The following TET3 variants were observed in gnomAD, a reference collection of about 807,000 sequenced individuals.
The protein encoded by TET3 is methylcytosine dioxygenase TET3.
Under a neutral mutation model 141.4 loss-of-function variants are expected in TET3, and 19 were observed. The ratio of observed to expected loss-of-function variants is 0.13; its 90% confidence interval spans 0.09 to 0.20. The LOEUF is 0.20. Among genes scored for constraint, TET3 ranks in the 10% least tolerant of loss-of-function variants. The pLI is 1.00. For synonymous variants in TET3, 1,043 were observed against 980.9 expected (o/e 1.06, Z -1.18); for missense variants, 1,874 against 2,356.9 (o/e 0.80, Z 4.24).
chr2:74,111,614 G>A (rs901497371), downstream of TET3, among the ~76,000 whole-genome samples: 19 of 152,190 alleles, frequency 1.2e-4, no homozygotes, highest in Admixed American at 1.1e-3. Context: ...CCCTGATATG[G>A]ACAGAGGCAT....
chr2:74,098,189 T>C (rs1049211877), intron 10 of TET3, among the ~76,000 whole-genome samples: 3 of 152,222 alleles, frequency 2.0e-5, no homozygotes, highest in African/African-American at 7.2e-5. Context: ...TTAACATTCA[T>C]TCTAAGGAAT....
chr2:74,025,426 C>T (rs1013093564), intron 3 of TET3, among the ~76,000 whole-genome samples: 7 of 151,170 alleles, frequency 4.6e-5, no homozygotes, highest in African/African-American at 1.7e-4. Context: ...TAGCTGGGAC[C>T]ACAGGCACCC....
At chr2:74,091,874 C>T (rs1235990027) in intron 8 of TET3, among the ~76,000 whole-genome samples, 3 of 151,474 alleles carry the variant, frequency 2.0e-5, no homozygotes, top group African/African-American at 7.3e-5. Context: ...TGCTGCTTCA[C>T]ATAGAGCAGT....
At chr2:74,034,587 A>G (rs1036895639) in intron 3 of TET3, among the ~76,000 whole-genome samples, 1 of 152,106 alleles carries the variant, frequency 6.6e-6, no homozygotes, top group Non-Finnish European at 1.5e-5. Flanking sequence ...AAAAAAAAAA[A>G]AAAAAAACCC....
intron 4 of TET3, among the ~76,000 whole-genome samples, chr2:74,072,664 A>G (rs539807063): frequency 7.9e-4 from 120 of 152,328 alleles, no homozygotes; most frequent in African/African-American, 2.4e-3. Context: ...TTACATTCAC[A>G]ATATTGTGCA....
At chr2:74,114,302 G>T in the TET3 span, among the ~76,000 whole-genome samples, 5 of 38,214 alleles carry the variant, frequency 1.3e-4, no homozygotes, top group South Asian at 0.011. Flanking sequence ...TTGGGGACTC[G>T]GGGGGGAGGG....
Position 74,046,630 on chromosome 2 carries a change from G to T in TET3, c.713G>T (p.Gly238Val), listed in dbSNP as rs1278321852. The T allele has an allele frequency of 1.9e-6, 3 of 1,614,070 alleles. No homozygotes were observed. Among genetic ancestry groups the T allele is most frequent in the Non-Finnish European group, 2.5e-6 (3 of 1,179,904 alleles). Residue 238 changes from glycine to valine, a missense_variant, in exon 4 of 12, where the codon GGA becomes GTA. Coordinates refer to ENST00000409262, the MANE Select transcript of TET3 (RefSeq NM_001287491.2). The surrounding 1 kb of genome is among the most constrained non-coding windows in gnomAD (Gnocchi z 4.3). ...MSREAGNNSR[G>V]PRPGPEGCSA... ...CGTGAGGCTGGGAACAACAGCAGGG[G>T]ACCCCGGCCAGGGCCTGAGGGCTGC...
the TET3 span, among the ~76,000 whole-genome samples, chr2:74,130,094 CA>C: frequency 0.33 from 41,940 of 126,410 alleles, 6,380 homozygotes; most frequent in Middle Eastern, 0.46. Flanking sequence ...GAGTCTGTCT[CA>C]AAAAAAAAAA....
At chr2:74,135,081 G>C in the TET3 span, 4 of 211,930 alleles carry the variant, frequency 1.9e-5, no homozygotes, top group African/African-American at 9.3e-5. Flanking sequence ...TCAAACACAG[G>C]AAAAGAACCC....
At chr2:74,026,580 C>G (rs1686374947) in intron 3 of TET3, among the ~76,000 whole-genome samples, 1 of 152,136 alleles carries the variant, frequency 6.6e-6, no homozygotes, top group Admixed American at 6.5e-5. Flanking sequence ...GCAGAACTCC[C>G]TTGTATAATA....
At chr2:74,015,824 A>C (rs2105216176) in intron 3 of TET3, among the ~76,000 whole-genome samples, 1 of 152,226 alleles carries the variant, frequency 6.6e-6, no homozygotes, top group South Asian at 2.1e-4. Flanking sequence ...CTTCCCACCA[A>C]CACTGAGTGA....
At position 74,080,571 on chromosome 2, in the gene TET3, G is replaced by A. The variant is rs1408353625; in HGVS notation, c.2659G>A (p.Gly887Ser). 1 of 1,612,622 alleles carries A rather than the reference G, an allele frequency of 6.2e-7. No homozygotes were observed. Among genetic ancestry groups the A allele is most frequent in the Non-Finnish European group, 8.5e-7 (1 of 1,179,448 alleles). The part of the protein sequence containing the change: ...YTGKEGKSSR[G>S]CPIAKWVIRR... ...GGGGAAGGAGGGAAAGAGCTCCCGCGGTTGCCCCATTGCAAAGTGGGTGAG... is the reference window on the plus strand; with the variant it reads ...GGGGAAGGAGGGAAAGAGCTCCCGCAGTTGCCCCATTGCAAAGTGGGTGAG... Residue 887 changes from glycine (G) to serine (S), a missense_variant, in exon 6 of 12, where the codon GGT becomes AGT. Coordinates refer to ENST00000409262, the MANE Select transcript of TET3 (RefSeq NM_001287491.2).
chr2:74,022,542 A>G (rs1686110591), intron 3 of TET3, among the ~76,000 whole-genome samples: 1 of 151,186 alleles, frequency 6.6e-6, no homozygotes, highest in Non-Finnish European at 1.5e-5. Flanking sequence ...TGTGTGATCA[A>G]ATCTAGCTCC....
At position 74,102,746 on chromosome 2, in the gene TET3, A is replaced by C. The variant is rs1220755545; in HGVS notation, c.*570A>C. 2 of 152,008 alleles carry C rather than the reference A, an allele frequency of 1.3e-5. No individual in the cohort carries two copies. Among genetic ancestry groups the C allele is most frequent in the Non-Finnish European group, 2.9e-5 (2 of 68,014 alleles). 9.4% of individuals were successfully genotyped at this position (152,008 alleles called of 1,614,324 possible). On this transcript the variant is annotated 3_prime_UTR_variant, in exon 12 of 12. Transcript: ENST00000409262. ...TCTGCCCCTCGAGAGCCAAGCGCGG[A>C]CGGTAGCCACCCAGTTCATCCCTCC... is the stretch of plus-strand genomic sequence containing the variant.
intron 3 of TET3, among the ~76,000 whole-genome samples, chr2:74,038,122 G>C (rs1006048200): frequency 6.6e-6 from 1 of 152,208 alleles, no homozygotes; most frequent in African/African-American, 2.4e-5. Flanking sequence ...GGAGGCAGGG[G>C]ACCTTGTGAG....
rs1691268807 is a variant in TET3, at chr2:74,102,259, G to T, written c.*83G>T. 7.3e-7 allele frequency: 1 copy of T among 1,363,558 alleles called. No individual in the cohort carries two copies. The highest frequency in any genetic ancestry group is 1.5e-5 in the African/African-American group (1 of 68,402). 84.5% of individuals were successfully genotyped at this position (1,363,558 alleles called of 1,614,324 possible). A position where few individuals can be genotyped will look rare whatever the true frequency, so the allele number is the denominator to read the frequency against. ...CTTTTGCCCTCATACCTGGGGGCGG[G>T]TTGGGGGTGCAGAAGTCTTTTTATC... is the stretch of plus-strand genomic sequence containing the variant. On this transcript the variant is annotated 3_prime_UTR_variant, in exon 12 of 12. Coordinates refer to ENST00000409262, the MANE Select transcript of TET3 (RefSeq NM_001287491.2).
At chr2:74,094,729 G>A (rs1406820693) in intron 10 of TET3, among the ~76,000 whole-genome samples, 1 of 152,192 alleles carries the variant, frequency 6.6e-6, no homozygotes, top group East Asian at 1.9e-4. Context: ...ATTTGCAGAT[G>A]GGCTGGATTG....
rs1274641822 is a variant in TET3, at chr2:74,103,312, CTT to C, written c.*1137_*1138del. ...GTGTTGTGCTGGGACTTTCTTGACTCTTGGGCAGGTCACATCCTACAGGAGCT... is the reference window on the plus strand; with the variant it reads ...GTGTTGTGCTGGGACTTTCTTGACTCGGGCAGGTCACATCCTACAGGAGCT... On this transcript the variant is annotated 3_prime_UTR_variant, in exon 12 of 12. Coordinates refer to ENST00000409262, the MANE Select transcript of TET3 (RefSeq NM_001287491.2). 2 of 152,542 alleles carry C rather than the reference CTT, an allele frequency of 1.3e-5. No homozygotes were observed. The highest frequency in any genetic ancestry group is 2.9e-5 in the Non-Finnish European group (2 of 68,248). The allele number at this position is 152,542 out of a possible 1,614,324, so 9.4% of individuals were successfully genotyped here. A position where few individuals can be genotyped will look rare whatever the true frequency, so the allele number is the denominator to read the frequency against.
rs570376590 is a variant in TET3, at chr2:74,061,471, A to AC, written c.2495-12071dup. On this transcript the variant is annotated intron_variant, in intron 4 of 11. Transcript: ENST00000409262. Reference sequence around the variant, plus strand: ...GGGCGGCTGGCAGGGCGGGGGACTGACCCCCCCACCTCCTTCCCGGACGGG... The same window carrying AC: ...GGGCGGCTGGCAGGGCGGGGGACTGACCCCCCCCACCTCCTTCCCGGACGGG... Among the ~76,000 whole-genome samples, 248 of 120,716 alleles carry AC rather than the reference A, an allele frequency of 2.1e-3. 8 individuals carry two copies. The highest frequency in any genetic ancestry group is 7.0e-3 in the African/African-American group (201 of 28,664). The allele number at this position is 120,716 out of a possible 152,430, so 79.2% of individuals were successfully genotyped here.
Sources: gnomAD v4.1 joint callset for allele counts (sites outside exome capture counted in the v4.1 genomes callset) on GRCh38, gnomAD v4.1.1 for gene constraint, Gnocchi (gnomAD v3.1) non-coding constraint, MANE v1.5 for transcripts, NCBI Gene and HGNC (gene_info 2026-07-23, HGNC 2026-07-21) for gene names.